Variants in SPSB4 observed in about 807,000 individuals in gnomAD.
The protein encoded by SPSB4 is SPRY domain-containing SOCS box protein 4.
SPSB4 carries 21 observed loss-of-function variants against 20.9 expected under a neutral mutation model. The observed-to-expected ratio is 1.01, with a 90% CI of 0.71 to 1.45. SPSB4 has a LOEUF of 1.45. SPSB4 is among the 40% of genes most tolerant of loss of function. The pLI, the probability that SPSB4 is intolerant of heterozygous loss-of-function variation, is 0.00. For missense variants in SPSB4, 399 were observed against 399.2 expected (o/e 1.00, Z 0.00); for synonymous variants, 207 against 183.8 (o/e 1.13, Z -1.02).
At chr3:141,071,649 C>T (rs566220071) in intron 2 of SPSB4, among the ~76,000 whole-genome samples, 1 of 152,152 alleles carries the variant, frequency 6.6e-6, no homozygotes, top group Non-Finnish European at 1.5e-5. Context: ...ATGCCTGGGC[C>T]AACCTGCCCA....
At chr3:141,084,857 C>T (rs1361563080) in intron 2 of SPSB4, among the ~76,000 whole-genome samples, 1 of 152,238 alleles carries the variant, frequency 6.6e-6, no homozygotes, top group Non-Finnish European at 1.5e-5. Context: ...ATTTACTGTG[C>T]TTCATCTGCC....
intron 2 of SPSB4, among the ~76,000 whole-genome samples, chr3:141,140,904 T>A (rs1444095015): frequency 6.6e-6 from 1 of 152,244 alleles, no homozygotes; most frequent in Admixed American, 6.5e-5. Context: ...CTGTCTTTTG[T>A]TTGTCTGTGC....
chr3:141,139,420 C>A (rs966577197), intron 2 of SPSB4, among the ~76,000 whole-genome samples: 8 of 152,354 alleles, frequency 5.3e-5, no homozygotes, highest in Non-Finnish European at 1.0e-4. Context: ...GATGCATTTT[C>A]TTCCTAGCCT....
At chr3:141,094,237 A>T (rs1938509810) in intron 2 of SPSB4, among the ~76,000 whole-genome samples, 1 of 152,110 alleles carries the variant, frequency 6.6e-6, no homozygotes, top group African/African-American at 2.4e-5. Context: ...GGCCCTTCTC[A>T]TCTGACTGTG....
intron 2 of SPSB4, among the ~76,000 whole-genome samples, chr3:141,103,608 C>T (rs968064781): frequency 4.6e-5 from 7 of 152,288 alleles, no homozygotes; most frequent in African/African-American, 1.4e-4. Flanking sequence ...CCATTCCCTC[C>T]GCACAACAAA....
chr3:141,096,852 T>C (rs1200345190), intron 2 of SPSB4, among the ~76,000 whole-genome samples: 1 of 152,172 alleles, frequency 6.6e-6, no homozygotes, highest in Non-Finnish European at 1.5e-5. Flanking sequence ...GTCTCAAACA[T>C]TTTTTAAGGC....
chr3:141,145,616 TA>T (rs1328598797), intron 2 of SPSB4, among the ~76,000 whole-genome samples: 7 of 152,210 alleles, frequency 4.6e-5, no homozygotes, highest in African/African-American at 1.4e-4. Context: ...TGTTGTATCT[TA>T]GTACATTATA....
chr3:141,081,267 G>A (rs554510102), intron 2 of SPSB4, among the ~76,000 whole-genome samples: 5 of 152,306 alleles, frequency 3.3e-5, no homozygotes, highest in South Asian at 4.1e-4. Flanking sequence ...CCACAGACAC[G>A]GCTCGTGGCT....
rs1240571981 is a variant in SPSB4, at chr3:141,051,442, C to T, written c.-704C>T. ...GGGAGGCGGCGGCGGCTGCAGCATC[C>T]AGAGCTGGCCGTGGCGGCCGGCGCG... On this transcript the variant is annotated 5_prime_UTR_variant, in exon 1 of 3. Transcript: ENST00000310546. The T allele has an allele frequency of 1.9e-5, 3 of 154,266 alleles. No individual in the cohort carries two copies. Among genetic ancestry groups the T allele is most frequent in the Non-Finnish European group, 4.3e-5 (3 of 69,384 alleles). The allele number at this position is 154,266 out of a possible 1,614,324, so 9.6% of individuals were successfully genotyped here.
chr3:141,090,850 G>A (rs892385590), intron 2 of SPSB4, among the ~76,000 whole-genome samples: 1 of 152,236 alleles, frequency 6.6e-6, no homozygotes. Context: ...TAGGAAGGAG[G>A]CTATTTCAAT....
intron 2 of SPSB4, chr3:141,115,466 G>C (rs915761488): frequency 1.3e-5 from 2 of 152,132 alleles, no homozygotes; most frequent in Admixed American, 6.5e-5. Context: ...TCTGGAAAAA[G>C]CAGGAAATGC....
At chr3:141,127,321 A>T (rs1297974601) in intron 2 of SPSB4, among the ~76,000 whole-genome samples, 1 of 152,208 alleles carries the variant, frequency 6.6e-6, no homozygotes, top group African/African-American at 2.4e-5. Context: ...TGACAGTGCT[A>T]GTGTGAGCCC....
At chr3:141,104,254 G>A (rs796361921) in intron 2 of SPSB4, among the ~76,000 whole-genome samples, 36 of 152,294 alleles carry the variant, frequency 2.4e-4, no homozygotes, top group African/African-American at 8.4e-4. Flanking sequence ...AGAGGGCAGG[G>A]GAAAAGCACT....
chr3:141,065,913 A>C (rs1438943870), intron 1 of SPSB4, 39 bp from the exon 2 acceptor site: 5 of 522,212 alleles, frequency 9.6e-6, no homozygotes, highest in African/African-American at 6.1e-5. Context: ...CTGGCTGCTG[A>C]TGCTGCTGCT....
chr3:141,097,001 C>T (rs1385555948), intron 2 of SPSB4, among the ~76,000 whole-genome samples: 1 of 152,192 alleles, frequency 6.6e-6, no homozygotes, highest in African/African-American at 2.4e-5. Flanking sequence ...ATTTCCTTGT[C>T]CTCAATCTAT....
Position 141,146,632 on chromosome 3 carries a change from G to A in SPSB4, c.695-510G>A, listed in dbSNP as rs1429447743. On this transcript the variant is annotated intron_variant, in intron 2 of 2. Transcript: ENST00000310546. ...CTACTAAAAATACAAAAAATTAGCC[G>A]GGCTGGTGGCGGGTGCCTGTAGTCC... Among the ~76,000 whole-genome samples, 8 of 152,006 alleles carry A rather than the reference G, an allele frequency of 5.3e-5. No individual in the cohort carries two copies. In the East Asian group the frequency reaches 7.7e-4, roughly 15 times the overall value.
chr3:141,079,600 T>C (rs995914417), intron 2 of SPSB4, among the ~76,000 whole-genome samples: 1 of 152,046 alleles, frequency 6.6e-6, no homozygotes, highest in African/African-American at 2.4e-5. Context: ...GAAGGGCCTG[T>C]GGTGTGCTGA....
At chr3:141,130,329 G>C (rs140095784) in intron 2 of SPSB4, among the ~76,000 whole-genome samples, 1 of 152,160 alleles carries the variant, frequency 6.6e-6, no homozygotes, top group African/African-American at 2.4e-5. Context: ...GCAGCATGAG[G>C]GGAGTCTCAG....
At chr3:141,073,511 C>CTTCA (rs1161414344) in intron 2 of SPSB4, among the ~76,000 whole-genome samples, 2 of 152,238 alleles carry the variant, frequency 1.3e-5, no homozygotes, top group Non-Finnish European at 2.9e-5. Context: ...TAGCCCTTTA[C>CTTCA]TTCACAGAAT....
Sources: gnomAD v4.1 joint callset for allele counts (sites outside exome capture counted in the v4.1 genomes callset) on GRCh38, gnomAD v4.1.1 for gene constraint, MANE v1.5 for transcripts, NCBI Gene and HGNC (gene_info 2026-07-23, HGNC 2026-07-21) for gene names.